Variants in ERBIN observed in about 807,000 individuals in gnomAD.
ERBIN encodes the protein erbb2 interacting protein, also known as densin-180-like protein.
Under a neutral mutation model 158.4 loss-of-function variants are expected in ERBIN, and 60 were observed. The observed-to-expected ratio is 0.38, with a 90% CI of 0.31 to 0.47. ERBIN has a LOEUF of 0.47. Among genes scored for constraint, ERBIN ranks in the 20% least tolerant of loss-of-function variants. The pLI, the probability that ERBIN is intolerant of heterozygous loss-of-function variation, is 0.99. For synonymous variants in ERBIN, 594 were observed against 557.2 expected, an observed-to-expected ratio of 1.07 and a Z score of -0.93; for missense variants, 1,610 against 1,648.0, an observed-to-expected ratio of 0.98 and a Z score of 0.40.
chr5:66,076,294 C>T lies in ERBIN; in HGVS notation c.3964-22C>T, dbSNP rs759071649. 7 of 1,589,056 alleles carry T rather than the reference C, an allele frequency of 4.4e-6. No homozygotes were observed. The African/African-American group carries it at 8.2e-5, about 19-fold the overall frequency. Reference sequence around the variant, plus strand: ...AACTTTTTCTGAAATAGTAAGTTTCCTTTATTTTCATATTAACTCAGATTC... The same window carrying T: ...AACTTTTTCTGAAATAGTAAGTTTCTTTTATTTTCATATTAACTCAGATTC... On this transcript the variant is annotated intron_variant, in intron 23 of 25. Transcript: ENST00000284037.
At chr5:66,008,288 G>A (rs1463584117) in intron 4 of ERBIN, among the ~76,000 whole-genome samples, 1 of 151,974 alleles carries the variant, frequency 6.6e-6, no homozygotes, top group African/African-American at 2.4e-5. Context: ...GCGTGGTGGC[G>A]GGCGCCTATA....
chr5:66,028,639 T>C (rs1256015895), intron 14 of ERBIN, among the ~76,000 whole-genome samples: 1 of 152,172 alleles, frequency 6.6e-6, no homozygotes, highest in African/African-American at 2.4e-5. Context: ...TCTCATACAC[T>C]TGCCTATTTT....
intron 4 of ERBIN, among the ~76,000 whole-genome samples, chr5:65,998,058 C>A (rs1017347156): frequency 6.6e-6 from 1 of 151,672 alleles, no homozygotes; most frequent in Non-Finnish European, 1.5e-5. Context: ...TGAACCCTGT[C>A]TGTACTAAAA....
chr5:66,024,268 G>A, intron 9 of ERBIN, 38 bp from the exon 10 acceptor site: 1 of 1,356,828 alleles, frequency 7.4e-7, no homozygotes, highest in Non-Finnish European at 1.0e-6. Context: ...AATTACTAAT[G>A]TTAATAGAGT....
chr5:66,035,122 CAT>C (rs1757267221), intron 14 of ERBIN, among the ~76,000 whole-genome samples: 1 of 152,190 alleles, frequency 6.6e-6, no homozygotes, highest in Admixed American at 6.5e-5. Flanking sequence ...CTGTGCCTTA[CAT>C]GTTTGTGCTT....
chr5:66,076,172 C>T, intron 23 of ERBIN, 144 bp from the exon 24 acceptor site: 1 of 634,988 alleles, frequency 1.6e-6, no homozygotes, highest in South Asian at 2.0e-5. Context: ...TTGTATTTCA[C>T]TTCATCTGAC....
chr5:66,065,191 C>G (rs998352995), intron 21 of ERBIN, among the ~76,000 whole-genome samples: 3 of 152,054 alleles, frequency 2.0e-5, no homozygotes, highest in African/African-American at 7.2e-5. Flanking sequence ...GAGATACAAA[C>G]CATGTGAATG....
intron 1 of ERBIN, among the ~76,000 whole-genome samples, chr5:65,938,675 T>G (rs1264413595): frequency 6.6e-6 from 1 of 152,024 alleles, no homozygotes; most frequent in Non-Finnish European, 1.5e-5. Context: ...GCCTCAGCCT[T>G]CCAAGTAGCT....
intron 1 of ERBIN, among the ~76,000 whole-genome samples, chr5:65,958,287 G>A (rs1164985632): frequency 1.3e-5 from 2 of 152,112 alleles, no homozygotes; most frequent in Non-Finnish European, 2.9e-5. Flanking sequence ...GGTGGAGGTT[G>A]TCGCAAGCCG....
intron 21 of ERBIN, among the ~76,000 whole-genome samples, chr5:66,064,176 T>G (rs563330983): frequency 1.3e-5 from 2 of 152,200 alleles, no homozygotes; most frequent in East Asian, 3.8e-4. Context: ...CAGTGCTTTT[T>G]GAAAAACTTA....
chr5:66,026,059 C>T, intron 12 of ERBIN, 82 bp downstream of exon 12: 1 of 1,169,560 alleles, frequency 8.6e-7, no homozygotes, highest in South Asian at 1.6e-5. Flanking sequence ...AGTGTGGCTT[C>T]ATTTATTTTC....
chr5:66,074,715 A>G (rs1761832888), intron 22 of ERBIN, among the ~76,000 whole-genome samples: 1 of 152,218 alleles, frequency 6.6e-6, no homozygotes, highest in Non-Finnish European at 1.5e-5. Flanking sequence ...AGATAGATAC[A>G]TCTAAGAAAA....
intron 1 of ERBIN, among the ~76,000 whole-genome samples, chr5:65,959,305 T>C (rs766259896): frequency 2.6e-4 from 39 of 152,278 alleles, no homozygotes; most frequent in South Asian, 4.1e-4. Flanking sequence ...TCAGGAGTCA[T>C]GTGTTTATTG....
At chr5:66,039,236 C>CT (rs1757702813) in intron 15 of ERBIN, among the ~76,000 whole-genome samples, 1 of 152,022 alleles carries the variant, frequency 6.6e-6, no homozygotes, top group Admixed American at 6.6e-5. Context: ...TAAATAGGTT[C>CT]TTGAACTTCA....
Position 66,053,560 on chromosome 5 carries a change from G to A in ERBIN, c.2242G>A (p.Val748Ile), listed in dbSNP as rs781508245. Residue 748 changes from valine (V) to isoleucine (I), a missense_variant, in exon 21 of 26, where the codon GTT becomes ATT. Physicochemically the swap from Val to Ile is conservative, Grantham distance 29 (BLOSUM62 3). Coordinates refer to ENST00000284037, the MANE Select transcript of ERBIN (RefSeq NM_001253697.2). ...GCGATTAGTTCTAATTGAGAAAAGT[G>A]TTGACTCAACAGCCACAGCTGATGA... ...EERLVLIEKS[V>I]DSTATADDTH... 6.2e-7 allele frequency: 1 copy of A among 1,611,194 alleles called. No individual in the cohort carries two copies. Among genetic ancestry groups the A allele is most frequent in the Admixed American group, 1.7e-5 (1 of 58,974 alleles).
In ERBIN at chr5:65,973,094, A is replaced by C. The variant is rs184829535; in HGVS notation, c.-57-15541A>C. On this transcript the variant is annotated intron_variant, in intron 1 of 25. Transcript: ENST00000284037. ...ACTATGCAGCCATAAAAAAGGATGA[A>C]TTCATGTCCTTTCTAGGAACATGGA... Among the ~76,000 whole-genome samples the C allele has an allele frequency of 5.4e-4, 82 of 151,220 alleles. 1 individual carries two copies. In the East Asian group the frequency reaches 0.014, roughly 25 times the overall value.
chr5:65,949,385 A>G (rs1298561453), intron 1 of ERBIN, among the ~76,000 whole-genome samples: 1 of 152,194 alleles, frequency 6.6e-6, no homozygotes, highest in African/African-American at 2.4e-5. Context: ...CGGGCAGGGT[A>G]GTGTCTCACT....
At chr5:65,964,206 A>T (rs533194541) in intron 1 of ERBIN, among the ~76,000 whole-genome samples, 2 of 152,326 alleles carry the variant, frequency 1.3e-5, no homozygotes, top group Admixed American at 1.3e-4. Flanking sequence ...CTGAAATATA[A>T]CTAATTAAGC....
chr5:65,988,460 A>C (rs1356886161), intron 1 of ERBIN, among the ~76,000 whole-genome samples, 175 bp from the exon 2 acceptor site: 1 of 151,684 alleles, frequency 6.6e-6, no homozygotes, highest in African/African-American at 2.4e-5. Flanking sequence ...TACGTTTTTA[A>C]GAGGCTAATA....
Sources: allele counts gnomAD v4.1 joint callset (sites outside exome capture counted in the v4.1 genomes callset), GRCh38; gene constraint gnomAD v4.1.1; transcripts MANE v1.5; gene names NCBI Gene and HGNC (gene_info 2026-07-23, HGNC 2026-07-21).